Variants in IMMP2L observed in about 807,000 individuals in gnomAD.
IMMP2L encodes mitochondrial inner membrane protease subunit 2.
In IMMP2L, 18 loss-of-function variants were observed where a neutral mutation model predicts 19.3. That is an observed-to-expected ratio of 0.93 (90% confidence interval 0.64 to 1.38). The LOEUF is 1.38. Ranked by LOEUF, IMMP2L falls within the 40% of genes most tolerant of loss-of-function variation. The pLI is 0.00. For synonymous variants in IMMP2L, 76 were observed against 73.0 expected (o/e 1.04, Z -0.21); for missense variants, 233 against 218.2 (o/e 1.07, Z -0.43).
At chr7:111,089,917 T>C (rs1586189770) in intron 3 of IMMP2L, among the ~76,000 whole-genome samples, 1 of 152,094 alleles carries the variant, frequency 6.6e-6, no homozygotes, top group African/African-American at 2.4e-5. Flanking sequence ...CTATGTCATG[T>C]CAATAAGCAC....
intron 3 of IMMP2L, among the ~76,000 whole-genome samples, chr7:111,063,202 C>A (rs1385248292): frequency 1.3e-5 from 2 of 152,200 alleles, no homozygotes; most frequent in African/African-American, 2.4e-5. Flanking sequence ...GACTTCTATG[C>A]ACCTGCAGGC....
At chr7:111,141,805 A>G (rs899209898) in intron 3 of IMMP2L, among the ~76,000 whole-genome samples, 1 of 152,238 alleles carries the variant, frequency 6.6e-6, no homozygotes, top group South Asian at 2.1e-4. Flanking sequence ...GGCTAAAGTG[A>G]TCCTCCTGCC....
Position 110,759,368 on chromosome 7 carries a change from A to T in IMMP2L, c.409-95647T>A, listed in dbSNP as rs1001024266. ...CAGTGACTTGCACAAAGTAGATGTG[A>T]GATAAACATTTGCCGAATGAATGAA... On this transcript the variant is annotated intron_variant, in intron 5 of 5. Transcript: ENST00000405709. Among the ~76,000 whole-genome samples, 3 of 152,122 alleles carry T rather than the reference A, an allele frequency of 2.0e-5. No homozygotes were observed. In the South Asian group the frequency reaches 6.2e-4, roughly 31 times the overall value.
rs140387992 is a variant in IMMP2L at position 111,142,074 on chromosome 7, C to T, written c.240-178509G>A. Among the ~76,000 whole-genome samples the T allele has an allele frequency of 1.8e-3, 272 of 152,174 alleles. 5 individuals carry two copies. The East Asian group carries it at 0.026, about 15-fold the overall frequency. ...GGCACGGTGGCTCATGCCTCTAATA[C>T]CACCACTTTAGGAGGCCAAGGTAGG... is the stretch of plus-strand genomic sequence containing the variant. On this transcript the variant is annotated intron_variant, in intron 3 of 5. Transcript: ENST00000405709.
intron 3 of IMMP2L, among the ~76,000 whole-genome samples, chr7:111,201,085 T>G (rs1455185025): frequency 2.0e-5 from 3 of 152,186 alleles, no homozygotes; most frequent in Non-Finnish European, 2.9e-5. Context: ...GTTTGGATGT[T>G]TAGAAACAAT....
At chr7:111,006,094 A>T (rs2129562138) in intron 3 of IMMP2L, among the ~76,000 whole-genome samples, 1 of 152,254 alleles carries the variant, frequency 6.6e-6, no homozygotes, top group East Asian at 1.9e-4. Flanking sequence ...GCATTTTCAC[A>T]TTTTAGCGTA....
chr7:111,038,231 T>C (rs1791539991), intron 3 of IMMP2L, among the ~76,000 whole-genome samples: 1 of 152,176 alleles, frequency 6.6e-6, no homozygotes, highest in Non-Finnish European at 1.5e-5. Flanking sequence ...CTGATTTTTA[T>C]TTTTATAAAA....
intron 3 of IMMP2L, among the ~76,000 whole-genome samples, chr7:111,004,780 G>A (rs1055623478): frequency 6.6e-6 from 1 of 152,064 alleles, no homozygotes; most frequent in Non-Finnish European, 1.5e-5. Context: ...TGATTTTTCT[G>A]TTACTGTATG....
chr7:110,926,139 A>C (rs1460318025), intron 4 of IMMP2L, among the ~76,000 whole-genome samples: 1 of 152,038 alleles, frequency 6.6e-6, no homozygotes, highest in East Asian at 1.9e-4. Context: ...TTCAGTATTC[A>C]TATTCTACAG....
At chr7:110,684,264 A>C (rs1377084687) in intron 5 of IMMP2L, among the ~76,000 whole-genome samples, 2 of 151,812 alleles carry the variant, frequency 1.3e-5, no homozygotes, top group Admixed American at 1.3e-4. Context: ...GTTATTTCCT[A>C]AAGTAGACTG....
intron 3 of IMMP2L, among the ~76,000 whole-genome samples, chr7:111,310,239 A>C (rs1040638458): frequency 1.5e-4 from 23 of 151,722 alleles, no homozygotes; most frequent in Non-Finnish European, 2.7e-4. Context: ...TCTCAAAAAA[A>C]AAAAAAATCT....
chr7:110,873,709 G>A (rs799629), intron 5 of IMMP2L, among the ~76,000 whole-genome samples: 3,372 of 151,538 alleles, frequency 0.022, 131 homozygotes, highest in African/African-American at 0.076. Context: ...AGGAGGCGGA[G>A]GTTGCAGTGA....
intron 3 of IMMP2L, among the ~76,000 whole-genome samples, chr7:111,429,966 T>C (rs2131675268): frequency 6.6e-6 from 1 of 152,034 alleles, no homozygotes; most frequent in Middle Eastern, 3.4e-3. Context: ...GGTTTGGCTC[T>C]AAAATTAGCC....
At chr7:110,978,359 G>T (rs7796806) in intron 3 of IMMP2L, among the ~76,000 whole-genome samples, 68,955 of 151,758 alleles carry the variant, frequency 0.45, 17,371 homozygotes, top group Non-Finnish European at 0.58. Flanking sequence ...AATAAGAAAG[G>T]TATGCCATAA....
intron 3 of IMMP2L, among the ~76,000 whole-genome samples, chr7:111,400,330 T>G (rs939574446): frequency 2.0e-5 from 3 of 152,192 alleles, no homozygotes; most frequent in African/African-American, 7.2e-5. Flanking sequence ...CTTAACATTT[T>G]AGACTGTGGT....
chr7:111,184,456 C>T (rs544069487), intron 3 of IMMP2L, among the ~76,000 whole-genome samples: 1 of 152,048 alleles, frequency 6.6e-6, no homozygotes, highest in South Asian at 2.1e-4. Flanking sequence ...TCTCCATATT[C>T]TATTAAACAA....
At chr7:111,177,010 C>T (rs772251621) in intron 3 of IMMP2L, among the ~76,000 whole-genome samples, 1 of 151,704 alleles carries the variant, frequency 6.6e-6, no homozygotes, top group Non-Finnish European at 1.5e-5. Context: ...TACCAGTCCT[C>T]AAGTTTACCA....
chr7:111,337,553 T>A (rs1454808529), intron 3 of IMMP2L, among the ~76,000 whole-genome samples: 1 of 151,732 alleles, frequency 6.6e-6, no homozygotes, highest in Non-Finnish European at 1.5e-5. Context: ...GCAGGTAGGC[T>A]GACAAATAAA....
Position 110,727,941 on chromosome 7 carries a change from A to G in IMMP2L, c.409-64220T>C, listed in dbSNP as rs1040025178. Among the ~76,000 whole-genome samples, 4 of 152,204 alleles carry G rather than the reference A, an allele frequency of 2.6e-5. No individual in the cohort carries two copies. Among genetic ancestry groups the G allele is most frequent in the Admixed American group, 2.6e-4 (4 of 15,276 alleles). Reference sequence around the variant, plus strand: ...ATACCTAACAAGCTCTGCATTGCATACCCACACACATGTAATTCTGCTCAC... The same window carrying G: ...ATACCTAACAAGCTCTGCATTGCATGCCCACACACATGTAATTCTGCTCAC... On this transcript the variant is annotated intron_variant, in intron 5 of 5. Transcript: ENST00000405709. The surrounding 1 kb of genome is among the most constrained non-coding windows in gnomAD (Gnocchi z 4.3).
Sources: allele counts gnomAD v4.1 joint callset (sites outside exome capture counted in the v4.1 genomes callset), GRCh38; gene constraint gnomAD v4.1.1; non-coding constraint Gnocchi (gnomAD v3.1); transcripts MANE v1.5; gene names NCBI Gene and HGNC (gene_info 2026-07-23, HGNC 2026-07-21).